Variants in PMFBP1 observed in about 807,000 individuals in gnomAD.
PMFBP1 encodes the protein polyamine-modulated factor 1-binding protein 1.
A neutral mutation model predicts 137.8 loss-of-function variants in PMFBP1; 131 were observed. The ratio of observed to expected loss-of-function variants is 0.95; its 90% CI spans 0.82 to 1.10. The LOEUF is 1.10. PMFBP1 is among the 50% of genes least tolerant of loss of function. The pLI is 0.00. For synonymous variants in PMFBP1, 490 were observed against 450.4 expected (o/e 1.09, Z -1.11); for missense variants, 1,199 against 1,175.4 (o/e 1.02, Z -0.29).
chr16:72,121,526 A>C (rs1015231226), intron 19 of PMFBP1, among the ~76,000 whole-genome samples: 1 of 152,242 alleles, frequency 6.6e-6, no homozygotes, highest in African/African-American at 2.4e-5. Flanking sequence ...CCACGAATGG[A>C]TTCCAGGTGT....
At chr16:72,144,691 A>G (rs1222707200) in intron 5 of PMFBP1, among the ~76,000 whole-genome samples, 3 of 152,230 alleles carry the variant, frequency 2.0e-5, no homozygotes, top group Non-Finnish European at 4.4e-5. Context: ...AACTTTTATA[A>G]TCCTGAAGGT....
chr16:72,248,294 G>C, the PMFBP1 span, among the ~76,000 whole-genome samples: 36,388 of 152,108 alleles, frequency 0.24, 4,777 homozygotes, highest in East Asian at 0.41. Context: ...CTTTAAATCA[G>C]TGTTCCAGTA....
chr16:72,138,233 C>G (rs1339974072), intron 7 of PMFBP1, among the ~76,000 whole-genome samples: 1 of 152,208 alleles, frequency 6.6e-6, no homozygotes, highest in Non-Finnish European at 1.5e-5. Context: ...GTTCAACCAA[C>G]TTTCTGGGAT....
chr16:72,139,232 G>T, intron 7 of PMFBP1, 57 bp downstream of exon 7: 1 of 1,257,472 alleles, frequency 8.0e-7, no homozygotes, highest in Non-Finnish European at 1.1e-6. Context: ...GGAAAGCCCA[G>T]AATCAAACCC....
At chr16:72,153,402 T>A (rs1359804556) in intron 4 of PMFBP1, among the ~76,000 whole-genome samples, 1 of 152,196 alleles carries the variant, frequency 6.6e-6, no homozygotes, top group Non-Finnish European at 1.5e-5. Context: ...TTTTTTCTTC[T>A]CCGTCCTTCC....
At chr16:72,204,836 G>C in the PMFBP1 span, among the ~76,000 whole-genome samples, 1 of 152,200 alleles carries the variant, frequency 6.6e-6, no homozygotes, top group African/African-American at 2.4e-5. Flanking sequence ...TCTGTCCAGT[G>C]AGGTAGCCCT....
At chr16:72,128,453 G>A in intron 14 of PMFBP1, 1 of 1,523,610 alleles carries the variant, frequency 6.6e-7, no homozygotes, top group East Asian at 2.5e-5. Context: ...TATGAGATGA[G>A]ACCTTCCACA....
the PMFBP1 span, among the ~76,000 whole-genome samples, chr16:72,231,315 T>A: frequency 6.6e-6 from 1 of 152,170 alleles, no homozygotes; most frequent in East Asian, 1.9e-4. Context: ...CATACATTAC[T>A]ACAGTCTCTA....
chr16:72,195,548 A>T, the PMFBP1 span, among the ~76,000 whole-genome samples: 1 of 151,826 alleles, frequency 6.6e-6, no homozygotes, highest in African/African-American at 2.4e-5. Context: ...TCAGCCATAC[A>T]CTCTTTTATG....
chr16:72,121,681 G>A (rs35448862), intron 19 of PMFBP1, among the ~76,000 whole-genome samples: 16,620 of 152,204 alleles, frequency 0.11, 1,071 homozygotes, highest in Non-Finnish European at 0.15. Context: ...CCAGAGTGCA[G>A]TGGTGTGAAC....
At chr16:72,246,183 T>C in the PMFBP1 span, among the ~76,000 whole-genome samples, 1 of 152,186 alleles carries the variant, frequency 6.6e-6, no homozygotes, top group African/African-American at 2.4e-5. Context: ...TAACAGACAG[T>C]TGCTGAAAGG....
intron 3 of PMFBP1, among the ~76,000 whole-genome samples, chr16:72,161,641 T>C (rs1268364203): frequency 6.6e-6 from 1 of 152,192 alleles, no homozygotes; most frequent in Non-Finnish European, 1.5e-5. Flanking sequence ...ATGTTCTTCA[T>C]ACAGCTTTCC....
the PMFBP1 span, among the ~76,000 whole-genome samples, chr16:72,210,304 A>C: frequency 6.6e-6 from 1 of 152,222 alleles, no homozygotes. Context: ...AAGCAGACAG[A>C]TGACTTATAG....
At chr16:72,235,799 A>G in the PMFBP1 span, among the ~76,000 whole-genome samples, 1 of 152,122 alleles carries the variant, frequency 6.6e-6, no homozygotes, top group Non-Finnish European at 1.5e-5. Context: ...GTTTATTGCT[A>G]CTGTATAGAA....
chr16:72,123,454 AGG>A, intron 18 of PMFBP1, 90 bp downstream of exon 18: 1 of 1,047,094 alleles, frequency 9.6e-7, no homozygotes, highest in Non-Finnish European at 1.4e-6. Context: ...CCAGGAGTGC[AGG>A]GGTGTGTGTG....
the PMFBP1 span, among the ~76,000 whole-genome samples, chr16:72,241,620 A>G: frequency 2.0e-5 from 3 of 152,158 alleles, no homozygotes; most frequent in Non-Finnish European, 2.9e-5. Flanking sequence ...TCTTTAAATG[A>G]TTCCAGAAAT....
chr16:72,187,808 T>A, the PMFBP1 span, among the ~76,000 whole-genome samples: 1 of 152,242 alleles, frequency 6.6e-6, no homozygotes, highest in Non-Finnish European at 1.5e-5. Context: ...CATGTGATTG[T>A]TCTATTTTAA....
intron 3 of PMFBP1, among the ~76,000 whole-genome samples, chr16:72,161,009 ACT>A (rs2043053284): frequency 6.6e-6 from 1 of 151,836 alleles, no homozygotes; most frequent in South Asian, 2.1e-4. Flanking sequence ...ATTGTCATGA[ACT>A]TCTGTTCCTA....
chr16:72,203,011 C>T, the PMFBP1 span, among the ~76,000 whole-genome samples: 2 of 152,178 alleles, frequency 1.3e-5, no homozygotes. Context: ...TGGAAATTCA[C>T]CCTACCTGTG....
Sources: gnomAD v4.1 joint callset for allele counts (sites outside exome capture counted in the v4.1 genomes callset) on GRCh38, gnomAD v4.1.1 for gene constraint, MANE v1.5 for transcripts, NCBI Gene and HGNC (gene_info 2026-07-23, HGNC 2026-07-21) for gene names.